Variants in ST14 observed in about 807,000 individuals in gnomAD.
ST14 encodes the protein ST14 transmembrane serine protease matriptase.
In ST14, 40 loss-of-function variants were observed where a neutral mutation model predicts 96.5. The observed-to-expected ratio is 0.41, with a 90% CI of 0.32 to 0.54. The LOEUF (loss-of-function observed/expected upper bound fraction) is 0.54. ST14 is among the 20% of genes least tolerant of loss of function. The probability of loss-of-function intolerance (pLI) is 0.17; values close to 1 mark genes in which losing one functional copy is unlikely to be tolerated. For synonymous variants in ST14, 506 were observed against 492.1 expected (o/e 1.03, Z -0.37); for missense variants, 1,066 against 1,188.9 (o/e 0.90, Z 1.52).
At position 130,194,237 on chromosome 11, in the gene ST14, C is replaced by A. The variant is rs778216393; in HGVS notation, c.964C>A (p.Arg322=). 8 of 1,614,106 alleles carry A rather than the reference C, an allele frequency of 5.0e-6. No individual in the cohort carries two copies. The highest frequency in any genetic ancestry group is 3.3e-5 in the South Asian group (3 of 91,094). ...CATCACACTGATAACCAACACTGAG[C>A]GGCGGCATCCCGGCTTTGAGGCCAC... ...LLITLITNTE[R]RHPGFEATFF... is the part of the protein sequence containing the mutation. Residue 322 remains arginine, a synonymous_variant, in exon 8 of 19, where the codon CGG becomes AGG. Coordinates refer to ENST00000278742, the MANE Select transcript of ST14 (RefSeq NM_021978.4).
chr11:130,177,582 T>G (rs1047710597), intron 1 of ST14, among the ~76,000 whole-genome samples: 4 of 152,072 alleles, frequency 2.6e-5, no homozygotes, highest in Non-Finnish European at 5.9e-5. Flanking sequence ...AAAATTTTTT[T>G]GTTTTGCCAA....
chr11:130,190,299 G>A (rs1953283519), intron 6 of ST14, 151 bp downstream of exon 6: 2 of 1,478,022 alleles, frequency 1.4e-6, no homozygotes, highest in East Asian at 2.3e-5. Context: ...AGGCCCTTCT[G>A]AGAAGCCCCC....
At chr11:130,201,194 T>A (rs2136218572) in intron 16 of ST14, among the ~76,000 whole-genome samples, 1 of 152,364 alleles carries the variant, frequency 6.6e-6, no homozygotes, top group East Asian at 1.9e-4. Flanking sequence ...AATGCCGGGC[T>A]GCGCTATTTG....
At chr11:130,202,599 C>G (rs190255476) in intron 16 of ST14, among the ~76,000 whole-genome samples, 1 of 152,262 alleles carries the variant, frequency 6.6e-6, no homozygotes, top group East Asian at 1.9e-4. Context: ...AAGGGAGTGT[C>G]GTGTGCAGAG....
rs1008419057 is a variant in ST14, at chr11:130,174,005, A to G, written c.81+13945A>G. On this transcript the variant is annotated intron_variant, in intron 1 of 18. Transcript: ENST00000278742. Reference sequence around the variant, plus strand: ...TTAAGACAATGAAAACCTTGTTTCAAATACTTTTTTTGCAGAGCCTGAAAA... The same window carrying G: ...TTAAGACAATGAAAACCTTGTTTCAGATACTTTTTTTGCAGAGCCTGAAAA... Among the ~76,000 whole-genome samples, 3 of 152,352 alleles carry G rather than the reference A, an allele frequency of 2.0e-5. No homozygotes were observed. The East Asian group carries it at 5.8e-4, about 29-fold the overall frequency.
chr11:130,199,250 C>T (rs73034674), intron 15 of ST14, among the ~76,000 whole-genome samples, 181 bp downstream of exon 15: 272 of 152,342 alleles, frequency 1.8e-3, no homozygotes, highest in Non-Finnish European at 2.7e-3. Flanking sequence ...CACCACCCCA[C>T]GGGCTGGCTC....
intron 16 of ST14, among the ~76,000 whole-genome samples, chr11:130,206,109 T>G (rs571219204): frequency 1.3e-5 from 2 of 152,324 alleles, no homozygotes; most frequent in East Asian, 3.9e-4. Context: ...CTCTACGCCT[T>G]TTATTTTTTG....
intron 1 of ST14, among the ~76,000 whole-genome samples, chr11:130,183,254 C>A (rs1287294764): frequency 6.6e-6 from 1 of 152,188 alleles, no homozygotes; most frequent in Non-Finnish European, 1.5e-5. Context: ...GCCACCACAC[C>A]CGGCCTACAT....
intron 8 of ST14, 99 bp from the exon 9 acceptor site, chr11:130,194,541 C>T: frequency 7.6e-7 from 1 of 1,316,772 alleles, no homozygotes; most frequent in Non-Finnish European, 1.1e-6. Context: ...ATCCACGCGT[C>T]CAGGAGGCAG....
Position 130,200,093 on chromosome 11 carries a change from G to T in ST14, c.1950G>T (p.Trp650Cys). ...ICGASLISPN[W>C]LVSAAHCYID... ...GTGCTTCCCTCATCTCTCCCAACTG[G>T]CTGGTCTCTGCCGCACACTGCTACA... The change falls in exon 16 of 19, where the codon TGG becomes TGT. Residue 650 changes from tryptophan to cysteine, a missense_variant. Physicochemically the swap from Trp to Cys is radical, Grantham distance 215 (BLOSUM62 -2). Transcript: ENST00000278742. 6.2e-7 allele frequency: 1 copy of T among 1,614,196 alleles called. No homozygotes were observed. The highest frequency in any genetic ancestry group is 8.5e-7 in the Non-Finnish European group (1 of 1,180,040).
At chr11:130,169,326 C>T (rs966614225) in intron 1 of ST14, among the ~76,000 whole-genome samples, 3 of 152,136 alleles carry the variant, frequency 2.0e-5, no homozygotes, top group African/African-American at 7.2e-5. Flanking sequence ...AAATCCTGAC[C>T]TCAGGTGATC....
intron 1 of ST14, among the ~76,000 whole-genome samples, chr11:130,163,265 C>G (rs985018405): frequency 6.6e-6 from 1 of 152,188 alleles, no homozygotes; most frequent in Non-Finnish European, 1.5e-5. Flanking sequence ...GCAACAGAGA[C>G]CTCTTCCTAA....
chr11:130,207,107 G>A (rs1270058796), intron 16 of ST14, among the ~76,000 whole-genome samples: 1 of 152,172 alleles, frequency 6.6e-6, no homozygotes, highest in Non-Finnish European at 1.5e-5. Flanking sequence ...GAAACAAAAT[G>A]TTCCAGGTTG....
In ST14 at chr11:130,209,778, G is replaced by T. The variant is rs750175876; in HGVS notation, c.2523G>T (p.Arg841Ser). 8.7e-6 allele frequency: 14 copies of T among 1,614,042 alleles called. No individual in the cohort carries two copies. The highest frequency in any genetic ancestry group is 1.1e-5 in the Non-Finnish European group (13 of 1,180,030). The change falls in exon 19 of 19, where the codon AGG becomes AGT. Residue 841 changes from arginine to serine, a missense_variant. Physicochemically the swap from Arg to Ser is moderately radical, Grantham distance 110. Transcript: ENST00000278742. ...GGAACAAGCCAGGCGTGTACACAAG[G>T]CTCCCTCTGTTTCGGGACTGGATCA... ...AQRNKPGVYT[R>S]LPLFRDWIKE...
chr11:130,197,533 C>T (rs997474468), intron 11 of ST14, among the ~76,000 whole-genome samples: 2 of 152,230 alleles, frequency 1.3e-5, no homozygotes, highest in Non-Finnish European at 2.9e-5. Context: ...CAGGGCAGGG[C>T]AGGGCCTGCG....
intron 11 of ST14, 141 bp from the exon 12 acceptor site, chr11:130,197,700 G>A (rs1432008096): frequency 2.9e-6 from 2 of 682,448 alleles, no homozygotes; most frequent in African/African-American, 3.6e-5. Context: ...TGGTGGGCCT[G>A]GGTAACCCCT....
chr11:130,179,161 G>A (rs571132131), intron 1 of ST14, among the ~76,000 whole-genome samples: 1 of 152,316 alleles, frequency 6.6e-6, no homozygotes, highest in Admixed American at 6.5e-5. Context: ...ATGACCTGGA[G>A]CACTTGAATA....
chr11:130,200,377 G>T (rs1953415542), intron 16 of ST14, among the ~76,000 whole-genome samples: 1 of 152,164 alleles, frequency 6.6e-6, no homozygotes, highest in Non-Finnish European at 1.5e-5. Flanking sequence ...TTCTGGTGAG[G>T]GCCTCAGGGA....
chr11:130,179,140 G>C (rs1953167435), intron 1 of ST14, among the ~76,000 whole-genome samples: 1 of 152,150 alleles, frequency 6.6e-6, no homozygotes, highest in Non-Finnish European at 1.5e-5. Context: ...CCAACTTTCA[G>C]GTTCCCAAGA....
Sources: gnomAD v4.1 joint callset for allele counts (sites outside exome capture counted in the v4.1 genomes callset) on GRCh38, gnomAD v4.1.1 for gene constraint, MANE v1.5 for transcripts, NCBI Gene and HGNC (gene_info 2026-07-23, HGNC 2026-07-21) for gene names.